PTPRK: variants seen among roughly 807,000 people sequenced by gnomAD.
PTPRK encodes protein tyrosine phosphatase receptor type K, also known as receptor-type tyrosine-protein phosphatase kappa.
In PTPRK, 75 loss-of-function variants were observed where a neutral mutation model predicts 178.0. The ratio of observed to expected loss-of-function variants is 0.42; its 90% CI spans 0.35 to 0.51. The LOEUF is 0.51. Ranked by LOEUF, PTPRK falls within the 20% of genes least tolerant of loss-of-function variation. PTPRK has a pLI of 0.02. For synonymous variants in PTPRK, 637 were observed against 620.6 expected, an observed-to-expected ratio of 1.03 and a Z score of -0.39; for missense variants, 1,441 against 1,797.8, an observed-to-expected ratio of 0.80 and a Z score of 3.59.
intron 2 of PTPRK, among the ~76,000 whole-genome samples, chr6:128,382,318 T>C (rs971406788): frequency 5.3e-5 from 8 of 151,746 alleles, no homozygotes; most frequent in Non-Finnish European, 8.8e-5. Flanking sequence ...TATTATAGAA[T>C]ACTATCTTTT....
intron 7 of PTPRK, among the ~76,000 whole-genome samples, chr6:128,121,795 A>G (rs972759549): frequency 3.9e-5 from 6 of 152,012 alleles, no homozygotes; most frequent in Non-Finnish European, 7.4e-5. Flanking sequence ...ATCAACTTGA[A>G]GATTACACCA....
In PTPRK at chr6:128,452,214, G is replaced by T. The variant is rs561346334; in HGVS notation, c.101-54526C>A. ...TCTTATTTCATGTGTTTTCATTTTG[G>T]TCCCCTTTCACTTTCTCTGTATTTC... On this transcript the variant is annotated intron_variant, in intron 1 of 29. Coordinates refer to ENST00000368226, the MANE Select transcript of PTPRK (RefSeq NM_002844.4). 5.3e-5 allele frequency among the ~76,000 whole-genome samples: 8 copies of T among 152,036 alleles called. No homozygotes were observed. The East Asian group carries it at 9.7e-4, about 18-fold the overall frequency.
intron 7 of PTPRK, among the ~76,000 whole-genome samples, chr6:128,165,893 T>C (rs1178561664): frequency 6.6e-6 from 1 of 151,598 alleles, no homozygotes; most frequent in Non-Finnish European, 1.5e-5. Context: ...AAATAAAACA[T>C]ATACGTAAAA....
chr6:128,237,046 T>C (rs113480726), intron 5 of PTPRK, among the ~76,000 whole-genome samples: 2 of 152,244 alleles, frequency 1.3e-5, no homozygotes, highest in South Asian at 2.1e-4. Flanking sequence ...AATACAGAAG[T>C]GAGAGAAATT....
intron 1 of PTPRK, among the ~76,000 whole-genome samples, chr6:128,507,844 C>T (rs1308954601): frequency 5.9e-5 from 9 of 152,128 alleles, no homozygotes. Context: ...GACAGCAAAC[C>T]TCCAGAAAAC....
chr6:128,407,633 CAAAAAAAAA>C (rs56189580), intron 1 of PTPRK, among the ~76,000 whole-genome samples: 18 of 97,758 alleles, frequency 1.8e-4, no homozygotes, highest in African/African-American at 6.2e-4. Flanking sequence ...AAGACCCTAT[CAAAAAAAAA>C]AAAAAAAAAA....
intron 2 of PTPRK, among the ~76,000 whole-genome samples, chr6:128,356,956 G>A (rs553865968): frequency 6.6e-6 from 1 of 152,300 alleles, no homozygotes; most frequent in Admixed American, 6.5e-5. Flanking sequence ...TTTCAGAGAA[G>A]TAGCAGAAGA....
chr6:128,115,495 T>C (rs1791351714), intron 7 of PTPRK, among the ~76,000 whole-genome samples: 1 of 152,060 alleles, frequency 6.6e-6, no homozygotes. Context: ...GATTTTATTA[T>C]AAAAAGCTGA....
intron 7 of PTPRK, among the ~76,000 whole-genome samples, chr6:128,096,939 A>G (rs1022824286): frequency 6.6e-6 from 1 of 152,188 alleles, no homozygotes. Flanking sequence ...TTTGAAAGAC[A>G]TTGTCTTTTA....
chr6:128,355,638 G>A (rs1833849613), intron 2 of PTPRK, among the ~76,000 whole-genome samples: 1 of 152,136 alleles, frequency 6.6e-6, no homozygotes, highest in Non-Finnish European at 1.5e-5. Context: ...ACACACCGGG[G>A]CCTGTTGTGG....
At chr6:128,003,267 G>A in intron 15 of PTPRK, 2 of 1,492,466 alleles carry the variant, frequency 1.3e-6, no homozygotes, top group Admixed American at 1.8e-5. Flanking sequence ...GGAATATATT[G>A]CTCTAAAATT....
At chr6:128,150,488 C>T (rs1797096070) in intron 7 of PTPRK, among the ~76,000 whole-genome samples, 1 of 152,132 alleles carries the variant, frequency 6.6e-6, no homozygotes, top group Non-Finnish European at 1.5e-5. Flanking sequence ...ACTGTTCCCT[C>T]ACTCGGGAAT....
In PTPRK at chr6:128,018,597, A is replaced by G. The variant is rs17055210; in HGVS notation, c.2195-9329T>C. 0.014 allele frequency among the ~76,000 whole-genome samples: 2,159 copies of G among 151,844 alleles called. 208 individuals are homozygous for G. The East Asian group carries it at 0.27, about 19-fold the overall frequency. The stretch of plus-strand genomic sequence containing the variant: ...AGTTAACCACTGCTCCTCACTTCTT[A>G]TTGGTAAAATGGAGATTGAGTCTAC... On this transcript the variant is annotated intron_variant, in intron 13 of 29. Coordinates refer to ENST00000368226, the MANE Select transcript of PTPRK (RefSeq NM_002844.4).
chr6:128,303,988 G>T (rs201863258), intron 3 of PTPRK, among the ~76,000 whole-genome samples: 1 of 152,314 alleles, frequency 6.6e-6, no homozygotes, highest in East Asian at 1.9e-4. Flanking sequence ...GAAGATGGTT[G>T]TGTCACAGCC....
At chr6:128,041,937 T>G (rs1777249718) in intron 13 of PTPRK, among the ~76,000 whole-genome samples, 1 of 151,958 alleles carries the variant, frequency 6.6e-6, no homozygotes, top group African/African-American at 2.4e-5. Context: ...AGGCTACACC[T>G]TCAACATTGC....
chr6:127,999,224 T>C (rs1777515695), intron 15 of PTPRK, among the ~76,000 whole-genome samples: 1 of 152,036 alleles, frequency 6.6e-6, no homozygotes, highest in Non-Finnish European at 1.5e-5. Context: ...CATAGCAGTA[T>C]AGAGTGGGAC....
At chr6:128,235,437 T>C (rs952056896) in intron 5 of PTPRK, 13 of 273,280 alleles carry the variant, frequency 4.8e-5, no homozygotes, top group Admixed American at 3.6e-4. Flanking sequence ...TATGTTATAA[T>C]TTCACTTTTG....
intron 7 of PTPRK, among the ~76,000 whole-genome samples, chr6:128,146,761 T>C (rs1055083643): frequency 1.1e-4 from 16 of 152,034 alleles, no homozygotes; most frequent in African/African-American, 3.6e-4. Context: ...TATATATATA[T>C]ACATACCAAT....
chr6:128,300,117 A>T (rs1407984576), intron 3 of PTPRK, among the ~76,000 whole-genome samples: 5 of 152,216 alleles, frequency 3.3e-5, no homozygotes, highest in African/African-American at 4.8e-5. Flanking sequence ...AAACACGTGA[A>T]AAAATGCTCA....
Sources: gnomAD v4.1 joint callset for allele counts (sites outside exome capture counted in the v4.1 genomes callset) on GRCh38, gnomAD v4.1.1 for gene constraint, MANE v1.5 for transcripts, NCBI Gene and HGNC (gene_info 2026-07-23, HGNC 2026-07-21) for gene names.